Variants in SYDE2 observed in about 807,000 individuals in gnomAD.
SYDE2 encodes synapse defective Rho GTPase homolog 2.
In SYDE2, 76 loss-of-function variants were observed where a neutral mutation model predicts 91.5. That is an observed-to-expected ratio of 0.83 (90% CI 0.69 to 1.01). The LOEUF (loss-of-function observed/expected upper bound fraction) is 1.01. Among genes scored for constraint, SYDE2 ranks in the 50% least tolerant of loss-of-function variants. SYDE2 has a pLI of 0.00. For missense variants in SYDE2, 1,364 were observed against 1,367.7 expected (o/e 1.00, Z 0.04); for synonymous variants, 513 against 506.4 (o/e 1.01, Z -0.18).
chr1:85,168,515 C>T (rs1657381052), intron 5 of SYDE2, among the ~76,000 whole-genome samples: 1 of 152,152 alleles, frequency 6.6e-6, no homozygotes, highest in African/African-American at 2.4e-5. Context: ...CTCTCTCCTA[C>T]AGGCATAGCT....
In SYDE2 at chr1:85,190,623, T is replaced by C; in HGVS notation, c.875A>G (p.Tyr292Cys). ...ATTAAGAGGCCTCAGAGTACTCTGA[T>C]ATAGCCAATTGCGTTTCTTTGAAAC... is the stretch of plus-strand genomic sequence containing the variant. ...ITVSKKRNWLYQSTLRPLNLE... is the reference protein window; with the variant it reads ...ITVSKKRNWLCQSTLRPLNLE... The change falls in exon 2 of 7, where the codon TAT becomes TGT. Residue 292 changes from tyrosine to cysteine, a missense_variant. Transcript: ENST00000341460. 1.2e-6 allele frequency: 2 copies of C among 1,613,978 alleles called. No individual in the cohort carries two copies. Among genetic ancestry groups the C allele is most frequent in the Admixed American group, 1.7e-5 (1 of 60,030 alleles).
downstream of SYDE2, among the ~76,000 whole-genome samples, chr1:85,154,882 A>G (rs934965595): frequency 1.3e-5 from 2 of 152,046 alleles, no homozygotes; most frequent in African/African-American, 4.8e-5. Context: ...TGTGAGGAAA[A>G]AATAAAGGCC....
intron 3 of SYDE2, 70 bp from the exon 4 acceptor site, chr1:85,178,342 C>CATCTAT (rs1557748920): frequency 1.6e-5 from 22 of 1,392,274 alleles, no homozygotes. Context: ...TTATAGATCA[C>CATCTAT]ATGAACTTTG....
intron 6 of SYDE2, among the ~76,000 whole-genome samples, chr1:85,163,140 G>A (rs1318021593): frequency 6.9e-6 from 1 of 145,046 alleles, no homozygotes; most frequent in African/African-American, 2.6e-5. Context: ...GGAGTCTCAC[G>A]CTGTCCCCCA....
At chr1:85,193,831 T>C (rs533797222) in intron 1 of SYDE2, among the ~76,000 whole-genome samples, 2 of 152,022 alleles carry the variant, frequency 1.3e-5, no homozygotes, top group Non-Finnish European at 2.9e-5. Context: ...TCTCACTATG[T>C]TGCCTAGGCT....
In SYDE2 at chr1:85,190,633, T is replaced by C; in HGVS notation, c.865A>G (p.Asn289Asp). Residue 289 changes from asparagine (N) to aspartate (D), a missense_variant, in exon 2 of 7, where the codon AAT (asparagine) becomes GAT (aspartate). Transcript: ENST00000341460. Reference protein sequence around the residue: ...LNSITVSKKRNWLYQSTLRPL... With the variant: ...LNSITVSKKRDWLYQSTLRPL... ...CTCAGAGTACTCTGATATAGCCAAT[T>C]GCGTTTCTTTGAAACAGTGATGCTG... is the stretch of plus-strand genomic sequence containing the variant. The C allele has an allele frequency of 6.2e-7, 1 of 1,613,946 alleles. No individual in the cohort carries two copies. The highest frequency in any genetic ancestry group is 1.1e-5 in the South Asian group (1 of 91,084).
In SYDE2 at chr1:85,158,941, G is replaced by A. The variant is rs1557738412; in HGVS notation, c.3394C>T (p.Pro1132Ser). The change falls in exon 7 of 7, where the codon CCA becomes TCA. Residue 1132 changes from proline to serine, a missense_variant. Transcript: ENST00000341460. ...ATTGGCTGTTCAATCATTACTTCTG[G>A]CCCATCCATTTTGCTATAATTTTCT... ...IGENYSKMDGPEVMIEQPIPM... is the reference protein window; with the variant it reads ...IGENYSKMDGSEVMIEQPIPM... 2.6e-6 allele frequency: 2 copies of A among 780,524 alleles called. No homozygotes were observed. Among genetic ancestry groups the A allele is most frequent in the South Asian group, 2.7e-5 (2 of 74,556 alleles). 48.3% of individuals were successfully genotyped at this position (780,524 alleles called of 1,614,324 possible). A position where few individuals can be genotyped will look rare whatever the true frequency, so the allele number is the denominator to read the frequency against.
At chr1:85,180,669 G>A (rs181681536) in intron 3 of SYDE2, among the ~76,000 whole-genome samples, 8 of 146,136 alleles carry the variant, frequency 5.5e-5, no homozygotes, top group African/African-American at 2.1e-4. Context: ...CAGCCTGGGC[G>A]ACAGAGCAAG....
rs61752505 is a variant in SYDE2, at chr1:85,182,354, G to C, written c.2288C>G (p.Thr763Ser). 1 of 1,613,898 alleles carries C rather than the reference G, an allele frequency of 6.2e-7. No individual in the cohort carries two copies. Among genetic ancestry groups the C allele is most frequent in the Non-Finnish European group, 8.5e-7 (1 of 1,179,840 alleles). ...TCTAAATAAGGTGGGAAGAACAACA[G>C]TTCCATGACAACAAACTCGATTTTT... ...PRKNRVCCHG[T>S]VVLPTLFRVT... The change falls in exon 3 of 7, where the codon ACT (threonine) becomes AGT (serine). Residue 763 changes from threonine to serine, a missense_variant. Physicochemically the swap from Thr to Ser is moderately conservative, Grantham distance 58 (BLOSUM62 1). Coordinates refer to ENST00000341460, the MANE Select transcript of SYDE2 (RefSeq NM_032184.2).
At position 85,193,584 on chromosome 1, in the gene SYDE2, C is replaced by T. The variant is rs547325176; in HGVS notation, c.746-2832G>A. 1.4e-4 allele frequency among the ~76,000 whole-genome samples: 21 copies of T among 152,136 alleles called. No individual in the cohort carries two copies. The East Asian group carries it at 3.5e-3, about 25-fold the overall frequency. On this transcript the variant is annotated intron_variant, in intron 1 of 6. Coordinates refer to ENST00000341460, the MANE Select transcript of SYDE2 (RefSeq NM_032184.2). ...TATCCCATATTTAAGCAAGTTGATA[C>T]TTCCATTGATATAATCATTTAATGA...
Position 85,182,420 on chromosome 1 carries a change from T to C in SYDE2, c.2222A>G (p.His741Arg). 6.2e-7 allele frequency: 1 copy of C among 1,613,680 alleles called. No individual in the cohort carries two copies. The highest frequency in any genetic ancestry group is 1.6e-4 in the Middle Eastern group (1 of 6,062). The part of the protein sequence containing the change: ...TFNIEIENAQ[H>R]LKLVVFSWEP... ...CCAACTGAATACTACTAGTTTCAAA[T>C]GTTGTGCATTTTCAATTTCTATGTT... Residue 741 changes from histidine (H) to arginine (R), a missense_variant, in exon 3 of 7, where the codon CAT (histidine) becomes CGT (arginine). Physicochemically the swap from His to Arg is conservative, Grantham distance 29. Transcript: ENST00000341460.
chr1:85,189,781 G>A (rs775339210), intron 2 of SYDE2, among the ~76,000 whole-genome samples: 9 of 152,162 alleles, frequency 5.9e-5, no homozygotes, highest in Non-Finnish European at 1.0e-4. Flanking sequence ...GCTGCGGTGC[G>A]CCATGATTGT....
downstream of SYDE2, chr1:85,153,670 A>C (rs1416751860): frequency 6.6e-6 from 1 of 152,214 alleles, no homozygotes; most frequent in Non-Finnish European, 1.5e-5. Flanking sequence ...TGGGGAGTAC[A>C]TGAGGCTGCT....
chr1:85,190,046 A>G lies in SYDE2; in HGVS notation c.1441+11T>C, dbSNP rs748081356. The G allele has an allele frequency of 6.4e-7, 1 of 1,568,978 alleles. No homozygotes were observed. Among genetic ancestry groups the G allele is most frequent in the Admixed American group, 1.8e-5 (1 of 54,588 alleles). On this transcript the variant is annotated intron_variant, in intron 2 of 6. Transcript: ENST00000341460. Reference sequence around the variant, plus strand: ...AAGAAGAAAGAAAGACACATATATGATCATTTTTACCTGCAAAAGGAGATT... The same window carrying G: ...AAGAAGAAAGAAAGACACATATATGGTCATTTTTACCTGCAAAAGGAGATT...
chr1:85,187,338 A>G (rs180712506), intron 2 of SYDE2, among the ~76,000 whole-genome samples: 9,844 of 152,150 alleles, frequency 0.065, 375 homozygotes, highest in East Asian at 0.16. Flanking sequence ...ACCAGTTCGA[A>G]TGGCAATCAT....
At chr1:85,170,993 GGAATAA>G (rs1175702651) in intron 4 of SYDE2, among the ~76,000 whole-genome samples, 1 of 152,154 alleles carries the variant, frequency 6.6e-6, no homozygotes, top group Non-Finnish European at 1.5e-5. Flanking sequence ...GGAAAAAAGA[GGAATAA>G]GAATGTTTCT....
At chr1:85,192,789 C>T (rs1658423690) in intron 1 of SYDE2, among the ~76,000 whole-genome samples, 1 of 152,144 alleles carries the variant, frequency 6.6e-6, no homozygotes. Context: ...TTAAGCCTGT[C>T]TAACCTTAAA....
At position 85,169,224 on chromosome 1, in the gene SYDE2, A is replaced by G; in HGVS notation, c.2673T>C (p.Gly891=). ...GTTCTCTTAAATAATCCTTAAGAAC[A>G]CCTTTAAAAAACAAACCGCAGACAG... ...NQYPDINVIT[G]VLKDYLRELP... Residue 891 remains glycine (G), a splice_region_variant and synonymous_variant, in exon 5 of 7, where the codon GGT becomes GGC. Coordinates refer to ENST00000341460, the MANE Select transcript of SYDE2 (RefSeq NM_032184.2). 6.2e-7 allele frequency: 1 copy of G among 1,605,768 alleles called. No individual in the cohort carries two copies. Among genetic ancestry groups the G allele is most frequent in the Non-Finnish European group, 8.5e-7 (1 of 1,175,972 alleles).
intron 4 of SYDE2, among the ~76,000 whole-genome samples, chr1:85,173,786 T>C (rs937230736): frequency 6.6e-6 from 1 of 152,014 alleles, no homozygotes; most frequent in Non-Finnish European, 1.5e-5. Context: ...AGAAAAGACA[T>C]ACACAATAGA....
Sources: gnomAD v4.1 joint callset for allele counts (sites outside exome capture counted in the v4.1 genomes callset) on GRCh38, gnomAD v4.1.1 for gene constraint, MANE v1.5 for transcripts, NCBI Gene and HGNC (gene_info 2026-07-23, HGNC 2026-07-21) for gene names.